The following MATR3 variants were observed in gnomAD, a reference collection of about 807,000 sequenced individuals.
MATR3 encodes matrin 3.
In MATR3, 4 loss-of-function variants were observed where a neutral mutation model predicts 85.5. The observed-to-expected ratio is 0.05, with a 90% confidence interval of 0.02 to 0.11. The LOEUF (loss-of-function observed/expected upper bound fraction) is 0.11. MATR3 is among the 10% of genes least tolerant of loss of function. The probability of loss-of-function intolerance (pLI) is 1.00; values close to 1 mark genes in which losing one functional copy is unlikely to be tolerated. For missense variants in MATR3, 685 were observed against 1,016.1 expected, an observed-to-expected ratio of 0.67 and a Z score of 4.43; for synonymous variants, 336 against 343.1, an observed-to-expected ratio of 0.98 and a Z score of 0.23.
chr5:139,280,508 AT>A (rs1223194772), intron 3 of MATR3: 2 of 152,232 alleles, frequency 1.3e-5, no homozygotes, highest in African/African-American at 4.8e-5. Context: ...AGTAGTAAAA[AT>A]AGTCTGTTTT....
At chr5:139,318,129 G>GT (rs1487507860) in intron 7 of MATR3, among the ~76,000 whole-genome samples, 1 of 152,038 alleles carries the variant, frequency 6.6e-6, no homozygotes, top group Non-Finnish European at 1.5e-5. Context: ...GTTTTTTGGG[G>GT]TTTTTTTGTT....
Position 139,331,416 on chromosome 5 carries a change from G to A in MATR3, c.*2021G>A, listed in dbSNP as rs1181134259. 6.6e-6 allele frequency: 3 copies of A among 454,066 alleles called. No individual in the cohort carries two copies. Among genetic ancestry groups the A allele is most frequent in the Non-Finnish European group, 1.3e-5 (3 of 226,784 alleles). The allele number at this position is 454,066 out of a possible 1,614,324, so 28.1% of individuals were successfully genotyped here. A position where few individuals can be genotyped will look rare whatever the true frequency, so the allele number is the denominator to read the frequency against. On this transcript the variant is annotated 3_prime_UTR_variant, in exon 15 of 15. Transcript: ENST00000394805. ...ATGGCTTTTTCATAGCTTCAACTTT[G>A]TTGGATTTAGCAAGTTGAAGGAAAG...
intron 2 of MATR3, among the ~76,000 whole-genome samples, chr5:139,308,586 A>G (rs941922179): frequency 2.0e-5 from 3 of 152,162 alleles, no homozygotes; most frequent in South Asian, 2.1e-4. Flanking sequence ...TTTGGCATCA[A>G]TATGTTCTTC....
chr5:139,297,965 A>T (rs1754244239), intron 1 of MATR3, among the ~76,000 whole-genome samples: 1 of 152,194 alleles, frequency 6.6e-6, no homozygotes, highest in South Asian at 2.1e-4. Context: ...GTAGTTGCAG[A>T]TGGGTAAGAA....
At chr5:139,304,298 C>T (rs768270110) in intron 1 of MATR3, among the ~76,000 whole-genome samples, 8 of 151,938 alleles carry the variant, frequency 5.3e-5, no homozygotes, top group Non-Finnish European at 1.2e-4. Flanking sequence ...CACCTGAGGT[C>T]GAGACCAGCC....
intron 13 of MATR3, 140 bp from the exon 14 acceptor site, chr5:139,326,023 C>A: frequency 2.7e-6 from 2 of 747,826 alleles, no homozygotes; most frequent in Non-Finnish European, 4.4e-6. Flanking sequence ...AAATATGGTT[C>A]GGTTTTTGTT....
chr5:139,320,743 CTTTTTTTT>C (rs1175972721), intron 9 of MATR3, among the ~76,000 whole-genome samples: 9 of 102,420 alleles, frequency 8.8e-5, no homozygotes, highest in African/African-American at 4.4e-4. Context: ...AAGCTTATTA[CTTTTTTTT>C]TTTTTTTTTT....
At chr5:139,276,441 T>TAA in intron 2 of MATR3, 1 of 322,366 alleles carries the variant, frequency 3.1e-6, no homozygotes, top group Non-Finnish European at 6.2e-6. Context: ...TAGCTAAATT[T>TAA]AAAAAAAAAT....
At chr5:139,314,819 T>C in intron 3 of MATR3, 83 bp downstream of exon 3, 2 of 1,211,382 alleles carry the variant, frequency 1.7e-6, no homozygotes, top group Non-Finnish European at 1.2e-6. Flanking sequence ...CATCATTTAC[T>C]TGTAATATCC....
At chr5:139,279,959 G>A (rs1753454196) in intron 3 of MATR3, 1 of 152,076 alleles carries the variant, frequency 6.6e-6, no homozygotes, top group Non-Finnish European at 1.5e-5. Flanking sequence ...CTACCCTATT[G>A]GACAACTCCA....
chr5:139,317,465 C>G (rs1185595242), intron 6 of MATR3, 131 bp from the exon 7 acceptor site: 9 of 911,558 alleles, frequency 9.9e-6, no homozygotes, highest in Non-Finnish European at 1.6e-5. Flanking sequence ...TTAAAATTCT[C>G]TAGAATGTTA....
intron 1 of MATR3, among the ~76,000 whole-genome samples, chr5:139,300,489 A>T (rs1325485449): frequency 6.6e-6 from 1 of 152,204 alleles, no homozygotes; most frequent in Non-Finnish European, 1.5e-5. Context: ...TAAGCTCTTT[A>T]TTCATTTGTC....
intron 9 of MATR3, among the ~76,000 whole-genome samples, chr5:139,319,822 C>T (rs924518874): frequency 1.5e-5 from 2 of 134,650 alleles, no homozygotes; most frequent in Non-Finnish European, 3.1e-5. Flanking sequence ...CCAGCCTGGG[C>T]AGCAGAGCGA....
chr5:139,314,284 C>T (rs917379719), intron 2 of MATR3: 1 of 244,676 alleles, frequency 4.1e-6, no homozygotes, highest in Non-Finnish European at 8.1e-6. Context: ...TAGATATAAA[C>T]ATGGATGTTT....
At chr5:139,316,712 G>A (rs1175499412) in intron 5 of MATR3, among the ~76,000 whole-genome samples, 1 of 152,034 alleles carries the variant, frequency 6.6e-6, no homozygotes, top group African/African-American at 2.4e-5. Flanking sequence ...ACCACACCCA[G>A]CTAATTTTTA....
chr5:139,289,590 A>G (rs1753809349), upstream of MATR3, among the ~76,000 whole-genome samples: 2 of 152,236 alleles, frequency 1.3e-5, no homozygotes, highest in Non-Finnish European at 2.9e-5. Context: ...AAATTTCAGC[A>G]CTGTCTGCTC....
At position 139,330,741 on chromosome 5, in the gene MATR3, A is replaced by G. The variant is rs1387276611; in HGVS notation, c.*1346A>G. 1 of 454,014 alleles carries G rather than the reference A, an allele frequency of 2.2e-6. No individual in the cohort carries two copies. Among genetic ancestry groups the G allele is most frequent in the African/African-American group, 2.0e-5 (1 of 50,026 alleles). The allele number at this position is 454,014 out of a possible 1,614,324, so 28.1% of individuals were successfully genotyped here. On this transcript the variant is annotated 3_prime_UTR_variant, in exon 15 of 15. Transcript: ENST00000394805. ...ACGGATGAGCAAGAATTAGTTCTGC[A>G]GCTTTTCAAAATAATTACGTAGAGA... is the stretch of plus-strand genomic sequence containing the variant.
intron 2 of MATR3, chr5:139,309,950 TAG>T (rs989312567): frequency 6.6e-6 from 1 of 152,076 alleles, no homozygotes; most frequent in Non-Finnish European, 1.5e-5. Context: ...CTGAGGAAAA[TAG>T]ATAGTTACAA....
intron 2 of MATR3, chr5:139,278,483 G>A (rs1373370833): frequency 2.5e-6 from 1 of 407,246 alleles, no homozygotes; most frequent in Non-Finnish European, 5.0e-6. Flanking sequence ...TATCTATCAG[G>A]AAACAAATGG....
Sources: gnomAD v4.1 joint callset for allele counts (sites outside exome capture counted in the v4.1 genomes callset) on GRCh38, gnomAD v4.1.1 for gene constraint, MANE v1.5 for transcripts, NCBI Gene and HGNC (gene_info 2026-07-23, HGNC 2026-07-21) for gene names.